Variants in AKAP13 observed in about 807,000 individuals in gnomAD.
The protein encoded by AKAP13 is A-kinase anchor protein 13.
A neutral mutation model predicts 264.5 loss-of-function variants in AKAP13; 80 were observed. The observed-to-expected ratio is 0.30, with a 90% confidence interval of 0.25 to 0.36. The LOEUF is 0.36. AKAP13 is among the 10% of genes least tolerant of loss of function. The probability of loss-of-function intolerance (pLI) is 1.00; values close to 1 mark genes in which losing one functional copy is unlikely to be tolerated. For missense variants in AKAP13, 3,712 were observed against 3,435.2 expected, an observed-to-expected ratio of 1.08 and a Z score of -2.01; for synonymous variants, 1,380 against 1,250.2, an observed-to-expected ratio of 1.10 and a Z score of -2.19.
intron 2 of AKAP13, among the ~76,000 whole-genome samples, chr15:85,519,563 T>C (rs1475336991): frequency 6.6e-6 from 1 of 152,234 alleles, no homozygotes; most frequent in Non-Finnish European, 1.5e-5. Flanking sequence ...CAAAGAAGAT[T>C]ACACATTTTA....
intron 36 of AKAP13, 98 bp downstream of exon 36, chr15:85,743,923 A>G: frequency 7.3e-7 from 1 of 1,373,306 alleles, no homozygotes; most frequent in Non-Finnish European, 9.7e-7. Context: ...AAAAGGGGAC[A>G]GTTCAGATGC....
chr15:85,735,102 G>A lies in AKAP13; in HGVS notation c.7393G>A (p.Ala2465Thr), dbSNP rs373167092. The A allele has an allele frequency of 5.8e-5, 93 of 1,614,096 alleles. No homozygotes were observed. The highest frequency in any genetic ancestry group is 7.7e-5 in the Non-Finnish European group (91 of 1,180,030). The change falls in exon 31 of 37, where the codon GCA (alanine) becomes ACA (threonine). Residue 2465 changes from alanine (A) to threonine (T), a missense_variant. By Grantham distance (58) the Ala-to-Thr change is moderately conservative (BLOSUM62 0). Around this residue, in one of 3 missense-constraint regions of AKAP13, gnomAD observed 611 missense variants for 539.3 expected, o/e 1.13. Transcript: ENST00000394518. ...VVGPVSLPRR[A>T]ETFGGFDSHQ... Reference sequence around the variant, plus strand: ...CGGTCCCGTTTCCCTGCCCCGGAGAGCAGAGACCTTTGGAGGATTTGACAG... The same window carrying A: ...CGGTCCCGTTTCCCTGCCCCGGAGAACAGAGACCTTTGGAGGATTTGACAG...
chr15:85,473,224 T>A (rs1323872949), intron 1 of AKAP13, among the ~76,000 whole-genome samples: 1 of 152,162 alleles, frequency 6.6e-6, no homozygotes. Flanking sequence ...GCTACTGCTT[T>A]GCAGGTTTTG....
chr15:85,563,579 T>A (rs558997727), intron 5 of AKAP13, among the ~76,000 whole-genome samples: 22 of 152,282 alleles, frequency 1.4e-4, no homozygotes, highest in Admixed American at 2.6e-4. Context: ...CAAATTACCC[T>A]GAATACTTCC....
At chr15:85,741,655 A>G (rs759500097) in intron 35 of AKAP13, among the ~76,000 whole-genome samples, 160 bp downstream of exon 35, 13 of 147,764 alleles carry the variant, frequency 8.8e-5, no homozygotes, top group South Asian at 2.2e-4. Context: ...GTGAGAGGGT[A>G]GCTTGACCAG....
intron 10 of AKAP13, among the ~76,000 whole-genome samples, chr15:85,652,772 GT>G (rs1197933818): frequency 6.6e-6 from 1 of 152,080 alleles, no homozygotes; most frequent in Non-Finnish European, 1.5e-5. Context: ...TCAGTCCTTG[GT>G]GTTCCTTGGG....
intron 2 of AKAP13, among the ~76,000 whole-genome samples, chr15:85,493,417 C>T (rs7169429): frequency 0.51 from 77,210 of 151,984 alleles, 20,162 homozygotes; most frequent in Middle Eastern, 0.61. Context: ...AGTGATGTCA[C>T]CTTTGTTACT....
At chr15:85,408,198 C>A (rs921680071) in intron 1 of AKAP13, among the ~76,000 whole-genome samples, 2 of 151,562 alleles carry the variant, frequency 1.3e-5, no homozygotes, top group Non-Finnish European at 2.9e-5. Flanking sequence ...TGATTTTGCC[C>A]ACAATCTATT....
At chr15:85,570,093 A>AAAAC (rs1262407837) in intron 5 of AKAP13, among the ~76,000 whole-genome samples, 2 of 151,034 alleles carry the variant, frequency 1.3e-5, no homozygotes, top group African/African-American at 4.9e-5. Context: ...AAAAAAAAAA[A>AAAAC]AACCACTGGA....
At chr15:85,657,165 GTAA>G (rs34766361) in intron 11 of AKAP13, among the ~76,000 whole-genome samples, 113,726 of 151,468 alleles carry the variant, frequency 0.75, 43,282 homozygotes, top group African/African-American at 0.89. Context: ...AATAATAGTA[GTAA>G]TAATAATAAT....
In AKAP13 at chr15:85,735,605, C is replaced by A; in HGVS notation, c.7487C>A (p.Thr2496Lys). The A allele has an allele frequency of 6.2e-7, 1 of 1,613,196 alleles. No individual in the cohort carries two copies. The highest frequency in any genetic ancestry group is 1.3e-5 in the African/African-American group (1 of 74,954). ...GATGATGGCCAAGATCTTAGGAGAA[C>A]GGAATCAGATAGTGGCCTAAAAAAG... ...EGDDGQDLRRTESDSGLKKGG... is the reference protein window; with the variant it reads ...EGDDGQDLRRKESDSGLKKGG... Residue 2496 changes from threonine to lysine, a missense_variant, in exon 32 of 37, where the codon ACG becomes AAG. Thr to Lys is a moderately conservative substitution (Grantham distance 78, BLOSUM62 -1). This residue lies in a region of AKAP13 where 611 missense variants were observed against 539.3 expected (regional missense o/e 1.13). Coordinates refer to ENST00000394518, the MANE Select transcript of AKAP13 (RefSeq NM_007200.5).
At chr15:85,487,097 C>A (rs371475869) in intron 2 of AKAP13, among the ~76,000 whole-genome samples, 2 of 152,092 alleles carry the variant, frequency 1.3e-5, no homozygotes, top group East Asian at 1.9e-4. Context: ...GTGTACTGAT[C>A]CCTGAAACTA....
Position 85,579,341 on chromosome 15 carries a change from AC to A in AKAP13, c.1274del (p.Thr425MetfsTer15), listed in dbSNP as rs773061993. 6.2e-7 allele frequency: 1 copy of A among 1,614,222 alleles called. No homozygotes were observed. Among genetic ancestry groups the A allele is most frequent in the Non-Finnish European group, 8.5e-7 (1 of 1,180,036 alleles). On this transcript the variant is annotated frameshift_variant, in exon 7 of 37. Transcript: ENST00000394518. LOFTEE classifies it high-confidence loss of function. The stretch of plus-strand genomic sequence containing the variant: ...GTCCTGTGGAAACAGAAATGAAGAA[AC>A]TGGAACAAAATCTTCTGGAATGCCC... ...LSSCGNRNEE[T>X]GTKSSGMPTD...
intron 14 of AKAP13, among the ~76,000 whole-genome samples, chr15:85,677,287 A>G (rs1218289478): frequency 1.3e-5 from 2 of 152,164 alleles, no homozygotes; most frequent in African/African-American, 4.8e-5. Flanking sequence ...TGTCTTCTGT[A>G]TAGTACTAAC....
At chr15:85,499,968 G>GT (rs1249300195) in intron 2 of AKAP13, among the ~76,000 whole-genome samples, 2 of 152,160 alleles carry the variant, frequency 1.3e-5, no homozygotes, top group African/African-American at 2.4e-5. Context: ...TAATGCTAGT[G>GT]TTTTTTATTG....
At chr15:85,639,582 T>C (rs547171089) in intron 9 of AKAP13, 133 bp downstream of exon 9, 2 of 689,948 alleles carry the variant, frequency 2.9e-6, no homozygotes, top group East Asian at 5.6e-5. Context: ...TCTGGGTTTG[T>C]AGGCATTTTG....
chr15:85,476,078 A>G (rs1400620269), intron 1 of AKAP13, among the ~76,000 whole-genome samples: 2 of 152,214 alleles, frequency 1.3e-5, no homozygotes, highest in Non-Finnish European at 1.5e-5. Flanking sequence ...TTAGATTATC[A>G]GTGATAATCC....
chr15:85,566,462 C>T (rs1024948528), intron 5 of AKAP13, among the ~76,000 whole-genome samples: 2 of 152,156 alleles, frequency 1.3e-5, no homozygotes, highest in African/African-American at 2.4e-5. Context: ...AATGTTGAGA[C>T]AGATGTCATG....
At chr15:85,557,159 A>C (rs1445409348) in intron 5 of AKAP13, among the ~76,000 whole-genome samples, 1 of 152,186 alleles carries the variant, frequency 6.6e-6, no homozygotes, top group Non-Finnish European at 1.5e-5. Flanking sequence ...TACTACACTA[A>C]ATTGATTTAG....
Sources: gnomAD v4.1 joint callset for allele counts (sites outside exome capture counted in the v4.1 genomes callset) on GRCh38, gnomAD v4.1.1 for gene constraint, gnomAD v4.1.1 regional missense constraint, MANE v1.5 for transcripts, NCBI Gene and HGNC (gene_info 2026-07-23, HGNC 2026-07-21) for gene names.